The following TMEM232 variants were observed in gnomAD, a reference collection of about 807,000 sequenced individuals.
TMEM232 encodes the protein transmembrane protein 232.
Under a neutral mutation model 78.8 loss-of-function variants are expected in TMEM232, and 80 were observed. That is an observed-to-expected ratio of 1.01 (90% CI 0.85 to 1.22). The LOEUF (loss-of-function observed/expected upper bound fraction) is 1.22, where lower values mean the gene tolerates loss of function less well. TMEM232 is among the 50% of genes most tolerant of loss of function. The pLI, the probability that TMEM232 is intolerant of heterozygous loss-of-function variation, is 0.00. For synonymous variants in TMEM232, 297 were observed against 254.3 expected, an observed-to-expected ratio of 1.17 and a Z score of -1.60; for missense variants, 881 against 742.2, an observed-to-expected ratio of 1.19 and a Z score of -2.17.
At chr5:110,473,493 G>A (rs535713504) in intron 12 of TMEM232, among the ~76,000 whole-genome samples, 25 of 151,510 alleles carry the variant, frequency 1.7e-4, no homozygotes, top group Non-Finnish European at 3.5e-4. Context: ...ATATAAATTC[G>A]TACAGTCATT....
At chr5:110,633,571 G>A (rs1785428003) in intron 5 of TMEM232, among the ~76,000 whole-genome samples, 1 of 152,104 alleles carries the variant, frequency 6.6e-6, no homozygotes, top group African/African-American at 2.4e-5. Flanking sequence ...TAATGAGTGA[G>A]TTCTCATGAC....
At chr5:110,508,516 C>T (rs192073352) in intron 12 of TMEM232, among the ~76,000 whole-genome samples, 3 of 151,272 alleles carry the variant, frequency 2.0e-5, no homozygotes, top group Admixed American at 1.3e-4. Context: ...ATGGTGTCTC[C>T]ACTTCTCCTG....
At chr5:110,465,989 T>G (rs1051069826) in intron 12 of TMEM232, among the ~76,000 whole-genome samples, 1 of 152,028 alleles carries the variant, frequency 6.6e-6, no homozygotes, top group East Asian at 1.9e-4. Context: ...TTGAAAAAAA[T>G]GATCTTTCAT....
chr5:110,659,030 A>G (rs1354100906), intron 2 of TMEM232, among the ~76,000 whole-genome samples: 1 of 152,148 alleles, frequency 6.6e-6, no homozygotes, highest in African/African-American at 2.4e-5. Flanking sequence ...ACCTCAAAAA[A>G]GGAAATGGAA....
chr5:110,459,300 T>G (rs970317390), intron 12 of TMEM232, among the ~76,000 whole-genome samples: 1 of 152,152 alleles, frequency 6.6e-6, no homozygotes. Context: ...TGAGTTTTAT[T>G]CTTTGATCAA....
At chr5:110,678,097 C>T (rs1580630351) in intron 1 of TMEM232, among the ~76,000 whole-genome samples, 2 of 152,118 alleles carry the variant, frequency 1.3e-5, no homozygotes, top group African/African-American at 2.4e-5. Context: ...CAGAGTCTCA[C>T]TCTGTCGCCC....
chr5:110,569,934 C>T (rs952286609), intron 10 of TMEM232, among the ~76,000 whole-genome samples: 8 of 151,942 alleles, frequency 5.3e-5, no homozygotes, highest in African/African-American at 1.9e-4. Context: ...CCATGCAGCA[C>T]AGTCTCTCCA....
chr5:110,569,639 G>C (rs1483214869), intron 10 of TMEM232, among the ~76,000 whole-genome samples: 4 of 151,752 alleles, frequency 2.6e-5, no homozygotes, highest in African/African-American at 9.7e-5. Context: ...AATAAAGATA[G>C]AAGAACAACA....
At chr5:110,677,255 T>G (rs1287914239) in intron 1 of TMEM232, among the ~76,000 whole-genome samples, 2 of 152,130 alleles carry the variant, frequency 1.3e-5, no homozygotes, top group Non-Finnish European at 2.9e-5. Flanking sequence ...TTTTTTTCTA[T>G]TGAGTTGTTT....
At chr5:110,422,224 A>G (rs566403815) in intron 13 of TMEM232, among the ~76,000 whole-genome samples, 5 of 152,114 alleles carry the variant, frequency 3.3e-5, no homozygotes, top group African/African-American at 1.2e-4. Flanking sequence ...ATTTCGATAG[A>G]TCTCATTATT....
chr5:110,689,856 G>T (rs1330915891), intron 1 of TMEM232, among the ~76,000 whole-genome samples: 1 of 152,196 alleles, frequency 6.6e-6, no homozygotes, highest in East Asian at 1.9e-4. Context: ...TCTGATCTTT[G>T]ACAAACCTGA....
intron 4 of TMEM232, chr5:110,388,081 G>T (rs1212941693): frequency 6.6e-6 from 1 of 152,106 alleles, no homozygotes; most frequent in Non-Finnish European, 1.5e-5. Flanking sequence ...GAGGAGAGCA[G>T]CTCTCTCACG....
At chr5:110,595,459 G>C (rs1299064742) in intron 10 of TMEM232, among the ~76,000 whole-genome samples, 10 of 152,102 alleles carry the variant, frequency 6.6e-5, no homozygotes, top group Admixed American at 6.6e-5. Context: ...TCAAAAGGTG[G>C]GTAGTAACAA....
chr5:110,605,337 C>A lies in TMEM232; in HGVS notation c.1048G>T (p.Asp350Tyr). The change falls in exon 10 of 14, where the codon GAT (aspartate) becomes TAT (tyrosine). Residue 350 changes from aspartate (D) to tyrosine (Y), a missense_variant. Transcript: ENST00000455884. ...QNQEESCKVDDFSWAWNVVYI... is the reference protein window; with the variant it reads ...QNQEESCKVDYFSWAWNVVYI... ...ACTACATTCCAGGCCCAGGAAAAATCATCTACCTTGCAACTTTCTTCCTGA... is the reference window on the plus strand; with the variant it reads ...ACTACATTCCAGGCCCAGGAAAAATAATCTACCTTGCAACTTTCTTCCTGA... The A allele has an allele frequency of 1.9e-6, 3 of 1,543,590 alleles. No individual in the cohort carries two copies. The highest frequency in any genetic ancestry group is 1.4e-5 in the African/African-American group (1 of 72,800).
chr5:110,561,272 T>C (rs1032616410), intron 11 of TMEM232, among the ~76,000 whole-genome samples: 2 of 152,036 alleles, frequency 1.3e-5, no homozygotes, highest in Admixed American at 6.6e-5. Flanking sequence ...TGCAGATAGC[T>C]AGCTATGTAT....
intron 5 of TMEM232, among the ~76,000 whole-genome samples, chr5:110,630,380 C>A (rs1341659896): frequency 6.6e-6 from 1 of 152,110 alleles, no homozygotes; most frequent in Non-Finnish European, 1.5e-5. Context: ...ATGGGAAATA[C>A]CTGAGACACA....
chr5:110,627,912 G>C (rs1373893446), intron 5 of TMEM232, 32 bp from the exon 6 acceptor site: 6 of 1,343,704 alleles, frequency 4.5e-6, no homozygotes, highest in Admixed American at 5.3e-5. Context: ...ATACATTTTT[G>C]TGTTGCATCA....
intron 1 of TMEM232, among the ~76,000 whole-genome samples, chr5:110,705,431 T>C (rs1330418672): frequency 1.3e-5 from 2 of 151,952 alleles, no homozygotes; most frequent in East Asian, 3.9e-4. Flanking sequence ...GGAAGCTGCA[T>C]GGAAAGATAA....
chr5:110,519,908 A>C (rs1769244326), intron 12 of TMEM232, among the ~76,000 whole-genome samples: 1 of 151,034 alleles, frequency 6.6e-6, no homozygotes, highest in Admixed American at 6.6e-5. Flanking sequence ...CATATTCAGA[A>C]GCTGAATAAA....
Sources: gnomAD v4.1 joint callset for allele counts (sites outside exome capture counted in the v4.1 genomes callset) on GRCh38, gnomAD v4.1.1 for gene constraint, MANE v1.5 for transcripts, NCBI Gene and HGNC (gene_info 2026-07-23, HGNC 2026-07-21) for gene names.